The following NPSR1 variants were observed in gnomAD, a reference collection of about 807,000 sequenced individuals.
NPSR1 encodes neuropeptide S receptor.
A neutral mutation model predicts 46.9 loss-of-function variants in NPSR1; 48 were observed. The observed-to-expected ratio is 1.02, with a 90% CI of 0.81 to 1.30. NPSR1 has a LOEUF of 1.30. Ranked by LOEUF, NPSR1 falls within the 50% of genes most tolerant of loss-of-function variation. The probability of loss-of-function intolerance (pLI) is 0.00; values close to 1 mark genes in which losing one functional copy is unlikely to be tolerated. For synonymous variants in NPSR1, 176 were observed against 168.1 expected, an observed-to-expected ratio of 1.05 and a Z score of -0.36; for missense variants, 450 against 449.5, an observed-to-expected ratio of 1.00 and a Z score of -0.01.
intron 8 of NPSR1, among the ~76,000 whole-genome samples, chr7:34,876,300 A>T (rs1246903698): frequency 6.6e-6 from 1 of 152,162 alleles, no homozygotes; most frequent in Non-Finnish European, 1.5e-5. Context: ...TATGTGACTA[A>T]GGCATTTTGC....
chr7:34,718,897 A>T (rs758247085), intron 2 of NPSR1: 2 of 152,238 alleles, frequency 1.3e-5, no homozygotes, highest in Non-Finnish European at 2.9e-5. Flanking sequence ...CAAACATATA[A>T]CATAGAAAGA....
chr7:34,785,192 T>G (rs1787405971), intron 3 of NPSR1, among the ~76,000 whole-genome samples: 1 of 151,884 alleles, frequency 6.6e-6, no homozygotes, highest in South Asian at 2.1e-4. Context: ...CACGGAATAC[T>G]ATGCAGCCAT....
At chr7:34,843,954 A>G (rs1003814761) in intron 6 of NPSR1, among the ~76,000 whole-genome samples, 2 of 152,282 alleles carry the variant, frequency 1.3e-5, no homozygotes, top group Middle Eastern at 3.4e-3. Flanking sequence ...CATTCTCTTC[A>G]TATTTCCCTC....
intron 8 of NPSR1, among the ~76,000 whole-genome samples, chr7:34,858,503 T>C (rs1791101552): frequency 6.6e-6 from 1 of 151,882 alleles, no homozygotes. Flanking sequence ...TTATCATATT[T>C]AGCAATGCAC....
At chr7:34,778,593 G>T (rs375136304) in intron 3 of NPSR1, 28 bp downstream of exon 3, 1 of 1,343,788 alleles carries the variant, frequency 7.4e-7, no homozygotes, top group East Asian at 2.3e-5. Flanking sequence ...AATGTGATGA[G>T]ACAAACTGAT....
chr7:34,778,786 A>G (rs1009566262), intron 3 of NPSR1, among the ~76,000 whole-genome samples: 5 of 152,336 alleles, frequency 3.3e-5, no homozygotes, highest in Admixed American at 1.3e-4. Flanking sequence ...GAGCAATGCT[A>G]AGGACATAAA....
intron 2 of NPSR1, among the ~76,000 whole-genome samples, chr7:34,737,690 T>C (rs1268405873): frequency 6.6e-6 from 1 of 152,236 alleles, no homozygotes; most frequent in Non-Finnish European, 1.5e-5. Flanking sequence ...TTCGATCCTA[T>C]GAATTGCTTC....
intron 1 of NPSR1, among the ~76,000 whole-genome samples, chr7:34,663,067 C>CTCTCTCTCTGTGTGTGTG (rs35826710): frequency 6.0e-5 from 6 of 99,424 alleles, no homozygotes; most frequent in East Asian, 2.9e-4. Flanking sequence ...CTCTCTCTCT[C>CTCTCTCTCTGTGTGTGTG]TGTGTGTGTG....
At chr7:34,658,638 T>C (rs1791303398) in intron 1 of NPSR1, 79 bp downstream of exon 1, 2 of 1,392,516 alleles carry the variant, frequency 1.4e-6, no homozygotes, top group Admixed American at 3.7e-5. Context: ...AATTGAAGTA[T>C]CATAGCCAGT....
intron 2 of NPSR1, among the ~76,000 whole-genome samples, chr7:34,685,194 T>G (rs1413071340): frequency 6.6e-6 from 1 of 152,202 alleles, no homozygotes; most frequent in Admixed American, 6.5e-5. Flanking sequence ...AGGATCGGGA[T>G]GCTTAAGTGT....
chr7:34,702,975 G>C (rs1793910812), intron 2 of NPSR1, among the ~76,000 whole-genome samples: 1 of 152,188 alleles, frequency 6.6e-6, no homozygotes, highest in Non-Finnish European at 1.5e-5. Context: ...ACTTGCAGTA[G>C]CTACAGAATC....
At chr7:34,757,472 C>T (rs1785923577) in intron 2 of NPSR1, among the ~76,000 whole-genome samples, 1 of 152,162 alleles carries the variant, frequency 6.6e-6, no homozygotes, top group Non-Finnish European at 1.5e-5. Context: ...TCCCCACTTC[C>T]TTAGTGACAA....
intron 2 of NPSR1, among the ~76,000 whole-genome samples, chr7:34,713,786 T>A (rs1249621373): frequency 2.0e-5 from 3 of 152,142 alleles, no homozygotes; most frequent in Non-Finnish European, 4.4e-5. Flanking sequence ...CCTAGGCCCA[T>A]CCCAGGCCTG....
Position 34,827,587 on chromosome 7 carries a change from CT to C in NPSR1, c.666del (p.Leu223Ter). 6.5e-7 allele frequency: 1 copy of C among 1,537,480 alleles called. No individual in the cohort carries two copies. Among genetic ancestry groups the C allele is most frequent in the East Asian group, 2.5e-5 (1 of 40,358 alleles). Reference sequence around the variant, plus strand: ...GTGGCCTTCCTGGTGTACTTCATCCCTCTGACAATCATCAGGTAAGAAGCCG... The same window carrying C: ...GTGGCCTTCCTGGTGTACTTCATCCCCTGACAATCATCAGGTAAGAAGCCG... The part of the protein sequence containing the change: ...TIVAFLVYFI[P>X]LTIISIMYGI... On this transcript the variant is annotated frameshift_variant, in exon 5 of 9. Transcript: ENST00000360581. LOFTEE classifies it high-confidence loss of function.
chr7:34,758,493 C>A (rs909945139), intron 2 of NPSR1, among the ~76,000 whole-genome samples: 15 of 152,224 alleles, frequency 9.9e-5, no homozygotes, highest in Non-Finnish European at 1.9e-4. Flanking sequence ...ATCTTCAGTA[C>A]CGTGCAGAGG....
chr7:34,877,201 G>C (rs138805985), intron 8 of NPSR1, among the ~76,000 whole-genome samples: 9,221 of 150,972 alleles, frequency 0.061, 424 homozygotes, highest in Middle Eastern at 0.17. Context: ...CCACAATTCT[G>C]ATGGGGTGGG....
intron 8 of NPSR1, among the ~76,000 whole-genome samples, chr7:34,874,315 A>C (rs1472305827): frequency 6.6e-6 from 1 of 152,214 alleles, no homozygotes; most frequent in Non-Finnish European, 1.5e-5. Context: ...GTAAGAACTA[A>C]ATTACTTAAT....
chr7:34,841,051 A>T (rs1790545827), intron 6 of NPSR1, among the ~76,000 whole-genome samples: 1 of 152,234 alleles, frequency 6.6e-6, no homozygotes, highest in African/African-American at 2.4e-5. Context: ...AGAATTTTAG[A>T]AATCAGGAAA....
intron 2 of NPSR1, chr7:34,751,799 A>C: frequency 1.3e-6 from 2 of 1,586,070 alleles, no homozygotes; most frequent in Non-Finnish European, 1.7e-6. Context: ...ATCTGGGCAC[A>C]GATCACTGTG....
Sources: gnomAD v4.1 joint callset for allele counts (sites outside exome capture counted in the v4.1 genomes callset) on GRCh38, gnomAD v4.1.1 for gene constraint, MANE v1.5 for transcripts, NCBI Gene and HGNC (gene_info 2026-07-23, HGNC 2026-07-21) for gene names.